The following REPS1 variants were observed in gnomAD, a reference collection of about 807,000 sequenced individuals.
REPS1 encodes RALBP1 associated Eps domain containing 1, also known as ralBP1-associated Eps domain-containing protein 1.
In REPS1, 39 loss-of-function variants were observed where a neutral mutation model predicts 100.9. That is an observed-to-expected ratio of 0.39 (90% CI 0.30 to 0.50). The LOEUF is 0.50. Ranked by LOEUF, REPS1 falls within the 20% of genes least tolerant of loss-of-function variation. REPS1 has a pLI of 0.86. For synonymous variants in REPS1, 324 were observed against 340.3 expected, an observed-to-expected ratio of 0.95 and a Z score of 0.53; for missense variants, 821 against 968.5, an observed-to-expected ratio of 0.85 and a Z score of 2.02.
intron 18 of REPS1, 116 bp from the exon 19 acceptor site, chr6:138,907,716 T>C (rs1168409342): frequency 1.5e-6 from 1 of 657,130 alleles, no homozygotes; most frequent in East Asian, 2.7e-5. Context: ...TCTTTTTCCT[T>C]ACTAGCACAG....
intron 1 of REPS1, among the ~76,000 whole-genome samples, chr6:138,965,242 A>G (rs189632704): frequency 6.6e-6 from 1 of 152,274 alleles, no homozygotes; most frequent in Non-Finnish European, 1.5e-5. Context: ...AAGAACTCCA[A>G]TGTGAAAAAT....
At chr6:138,955,706 A>C (rs1321991093) in intron 1 of REPS1, among the ~76,000 whole-genome samples, 1 of 152,106 alleles carries the variant, frequency 6.6e-6, no homozygotes, top group Admixed American at 6.6e-5. Flanking sequence ...AACTTCTAGG[A>C]AAAAAGATAA....
chr6:138,947,029 C>T (rs1401172990), intron 2 of REPS1, among the ~76,000 whole-genome samples: 16 of 118,824 alleles, frequency 1.3e-4, no homozygotes, highest in African/African-American at 5.6e-4. Context: ...GTGGCTATTC[C>T]CCCTTGCTCT....
At chr6:138,912,098 A>T (rs919521311) in intron 16 of REPS1, among the ~76,000 whole-genome samples, 3 of 152,196 alleles carry the variant, frequency 2.0e-5, no homozygotes, top group African/African-American at 4.8e-5. Flanking sequence ...GGGAGCTAGT[A>T]GGAAATTTTC....
chr6:138,969,110 G>A (rs1010158506), intron 1 of REPS1, among the ~76,000 whole-genome samples: 1 of 152,090 alleles, frequency 6.6e-6, no homozygotes, highest in East Asian at 1.9e-4. Flanking sequence ...TAGCATTATA[G>A]AAACATCTCA....
intron 8 of REPS1, among the ~76,000 whole-genome samples, chr6:138,938,194 C>A (rs1220258509): frequency 1.3e-5 from 2 of 152,114 alleles, no homozygotes; most frequent in Non-Finnish European, 2.9e-5. Context: ...TTCAGGTCGA[C>A]AGAAGTACTT....
intron 4 of REPS1, 140 bp downstream of exon 4, chr6:138,945,079 A>G (rs969614462): frequency 1.3e-5 from 8 of 637,900 alleles, no homozygotes; most frequent in Non-Finnish European, 1.9e-5. Flanking sequence ...CTTTCAAAAA[A>G]TCTCTAAGCC....
intron 8 of REPS1, among the ~76,000 whole-genome samples, chr6:138,932,829 G>A (rs556949810): frequency 6.6e-5 from 10 of 152,166 alleles, no homozygotes; most frequent in Admixed American, 3.9e-4. Context: ...AATGTTTTCA[G>A]TATTTGTTTC....
At chr6:138,983,301 A>T (rs1377862359) in intron 1 of REPS1, among the ~76,000 whole-genome samples, 1 of 151,988 alleles carries the variant, frequency 6.6e-6, no homozygotes, top group African/African-American at 2.4e-5. Flanking sequence ...AAAATACAAA[A>T]ATTAGCCGAG....
chr6:138,981,958 A>G (rs1051217460), intron 1 of REPS1, among the ~76,000 whole-genome samples: 2 of 151,964 alleles, frequency 1.3e-5, no homozygotes, highest in Admixed American at 6.5e-5. Flanking sequence ...AAACTCAAGA[A>G]GACAGAAATT....
At chr6:138,979,755 C>G (rs1441630695) in intron 1 of REPS1, among the ~76,000 whole-genome samples, 1 of 152,188 alleles carries the variant, frequency 6.6e-6, no homozygotes, top group Non-Finnish European at 1.5e-5. Context: ...TCCAAGAAGC[C>G]TTCCAGTTTA....
intron 7 of REPS1, among the ~76,000 whole-genome samples, chr6:138,942,530 T>C (rs1414252428): frequency 6.6e-6 from 1 of 152,052 alleles, no homozygotes; most frequent in Admixed American, 6.5e-5. Flanking sequence ...CAAACTCTGC[T>C]TCCTGGACTC....
At chr6:138,930,126 TA>T (rs1781397285) in intron 8 of REPS1, 28 bp from the exon 9 acceptor site, 1 of 1,602,386 alleles carries the variant, frequency 6.2e-7, no homozygotes, top group African/African-American at 1.3e-5. Flanking sequence ...AGAAATTCTC[TA>T]TAAAGACTAC....
In REPS1 at chr6:138,926,285, C is replaced by T. The variant is rs993617089; in HGVS notation, c.1338+116G>A. 8.3e-5 allele frequency: 56 copies of T among 671,664 alleles called. No homozygotes were observed. In the Middle Eastern group the frequency reaches 1.2e-3, roughly 15 times the overall value. 41.6% of individuals were successfully genotyped at this position (671,664 alleles called of 1,614,324 possible). ...AGCACACAAAAACCAAAAAGCCTGC[C>T]GCCACTTCCCTCTAAGCACTCCACT... On this transcript the variant is annotated intron_variant, in intron 10 of 19. Transcript: ENST00000450536.
rs112829226 is a variant in REPS1 at position 138,983,611 on chromosome 6, G to A, written c.153+3919C>T. Among the ~76,000 whole-genome samples, 166 of 152,214 alleles carry A rather than the reference G, an allele frequency of 1.1e-3. 1 individual carries two copies. The Middle Eastern group carries it at 0.017, about 16-fold the overall frequency. ...CCAGCTCCTTCCTCGTTTGGTTCTG[G>A]ACTCGGTGTTATTTGTTCTCTACAC... On this transcript the variant is annotated intron_variant, in intron 1 of 19. Transcript: ENST00000450536.
chr6:138,905,171 T>C (rs376519416), intron 19 of REPS1, 39 bp from the exon 20 acceptor site: 14 of 1,323,380 alleles, frequency 1.1e-5, no homozygotes, highest in African/African-American at 4.4e-5. Context: ...TTTCAAAGTA[T>C]ATAAAAATGA....
chr6:138,947,198 C>G (rs1411082124), intron 2 of REPS1, among the ~76,000 whole-genome samples: 2 of 152,134 alleles, frequency 1.3e-5, no homozygotes, highest in Non-Finnish European at 2.9e-5. Context: ...ATACATTACC[C>G]AGTCTCAGGG....
rs980960674 is a variant in REPS1 at position 138,904,808 on chromosome 6, C to T, written c.*256G>A. The T allele has an allele frequency of 2.9e-6, 1 of 345,130 alleles. No homozygotes were observed. Among genetic ancestry groups the T allele is most frequent in the Non-Finnish European group, 5.4e-6 (1 of 186,508 alleles). 21.4% of individuals were successfully genotyped at this position (345,130 alleles called of 1,614,324 possible). On this transcript the variant is annotated 3_prime_UTR_variant, in exon 20 of 20. Coordinates refer to ENST00000450536, the MANE Select transcript of REPS1 (RefSeq NM_001286611.2). ...TATTAGCCATAGAAGCATTGCATAT[C>T]CCAGATGCTAGGGAACAGAAAAGGT...
chr6:138,971,110 A>C (rs534549466), intron 1 of REPS1, among the ~76,000 whole-genome samples: 2 of 152,318 alleles, frequency 1.3e-5, no homozygotes, highest in East Asian at 3.9e-4. Flanking sequence ...TAGGGAAGTA[A>C]AAGATTTCTC....
Sources: allele counts gnomAD v4.1 joint callset (sites outside exome capture counted in the v4.1 genomes callset), GRCh38; gene constraint gnomAD v4.1.1; transcripts MANE v1.5; gene names NCBI Gene and HGNC (gene_info 2026-07-23, HGNC 2026-07-21).